ABHD17C: variants seen among roughly 807,000 people sequenced by gnomAD.
The protein encoded by ABHD17C is alpha/beta hydrolase domain-containing protein 17C.
In ABHD17C, 11 loss-of-function variants were observed where a neutral mutation model predicts 27.9. The ratio of observed to expected loss-of-function variants is 0.39; its 90% confidence interval spans 0.25 to 0.65. The LOEUF is 0.65. Ranked by LOEUF, ABHD17C falls within the 30% of genes least tolerant of loss-of-function variation. The pLI, the probability that ABHD17C is intolerant of heterozygous loss-of-function variation, is 0.45. For missense variants in ABHD17C, 280 were observed against 470.2 expected (o/e 0.60, Z 3.74); for synonymous variants, 233 against 209.1 (o/e 1.11, Z -0.98).
chr15:80,754,157 C>T lies in ABHD17C; in HGVS notation c.777C>T (p.Asp259=), dbSNP rs775368860. 6.2e-6 allele frequency: 10 copies of T among 1,613,614 alleles called. 1 individual carries two copies. In the East Asian group the frequency reaches 2.2e-4, roughly 36 times the overall value. ...TYCFDAFPSI[D]KISKVTSPVL... is the part of the protein sequence containing the mutation. ...CCCCCTTTCTGTTTTGCAGCATTGACAAGATATCTAAAGTCACCTCTCCTG... is the reference window on the plus strand; with the variant it reads ...CCCCCTTTCTGTTTTGCAGCATTGATAAGATATCTAAAGTCACCTCTCCTG... Residue 259 remains aspartate (D), a synonymous_variant, in exon 3 of 3, where the codon GAC becomes GAT. Coordinates refer to ENST00000258884, the MANE Select transcript of ABHD17C (RefSeq NM_021214.2).
chr15:80,724,785 T>C (rs1468113505), intron 1 of ABHD17C, among the ~76,000 whole-genome samples: 1 of 152,136 alleles, frequency 6.6e-6, no homozygotes, highest in Non-Finnish European at 1.5e-5. Context: ...TCCAGTTCCC[T>C]CCTCCTATTA....
chr15:80,711,215 A>G (rs1238140884), intron 1 of ABHD17C, among the ~76,000 whole-genome samples: 7 of 152,168 alleles, frequency 4.6e-5, no homozygotes, highest in Non-Finnish European at 1.0e-4. Flanking sequence ...CAGTGTTGCC[A>G]CCAGGCCTTT....
At chr15:80,696,556 A>G (rs1471215847) in intron 1 of ABHD17C, among the ~76,000 whole-genome samples, 1 of 152,158 alleles carries the variant, frequency 6.6e-6, no homozygotes, top group Non-Finnish European at 1.5e-5. Context: ...CGTCAGGTGG[A>G]GCGGGGAGTT....
At chr15:80,709,827 T>G (rs893737906) in intron 1 of ABHD17C, among the ~76,000 whole-genome samples, 25 of 152,162 alleles carry the variant, frequency 1.6e-4, no homozygotes, top group Admixed American at 9.2e-4. Flanking sequence ...TACTCCTTTC[T>G]GACACACCTA....
chr15:80,731,468 T>C (rs1416525353), intron 1 of ABHD17C, among the ~76,000 whole-genome samples: 1 of 152,128 alleles, frequency 6.6e-6, no homozygotes, highest in East Asian at 1.9e-4. Context: ...GACAGGGAAG[T>C]CATCATCATG....
chr15:80,697,600 C>T (rs1046269565), intron 1 of ABHD17C, among the ~76,000 whole-genome samples: 1 of 151,536 alleles, frequency 6.6e-6, no homozygotes, highest in Admixed American at 6.6e-5. Context: ...TTACAGCTTA[C>T]GTGGAGTGTA....
intron 1 of ABHD17C, among the ~76,000 whole-genome samples, chr15:80,698,206 A>T (rs186040006): frequency 6.6e-6 from 1 of 151,504 alleles, no homozygotes; most frequent in African/African-American, 2.4e-5. Flanking sequence ...CTGGGACTAC[A>T]GGCGCCCGCC....
intron 1 of ABHD17C, among the ~76,000 whole-genome samples, chr15:80,701,290 T>C (rs16972293): frequency 0.15 from 22,813 of 152,068 alleles, 1,836 homozygotes; most frequent in South Asian, 0.24. Flanking sequence ...TAACCTAACT[T>C]CTTTGTTCTC....
chr15:80,709,021 C>T lies in ABHD17C; in HGVS notation c.590+13002C>T, dbSNP rs545225693. On this transcript the variant is annotated intron_variant, in intron 1 of 2. Transcript: ENST00000258884. Reference sequence around the variant, plus strand: ...CATGCTTGTACAATATTACCTGCTCCTGGGAAGTTTCTGCGAATCTCCTTT... The same window carrying T: ...CATGCTTGTACAATATTACCTGCTCTTGGGAAGTTTCTGCGAATCTCCTTT... Among the ~76,000 whole-genome samples the T allele has an allele frequency of 5.3e-5, 8 of 152,298 alleles. No individual in the cohort carries two copies. In the East Asian group the frequency reaches 1.4e-3, roughly 26 times the overall value.
At chr15:80,719,149 G>A (rs566794150) in intron 1 of ABHD17C, among the ~76,000 whole-genome samples, 2 of 152,232 alleles carry the variant, frequency 1.3e-5, no homozygotes, top group Admixed American at 6.5e-5. Flanking sequence ...ACAATGTAAC[G>A]AGTCAAACAG....
intron 1 of ABHD17C, 103 bp from the exon 2 acceptor site, chr15:80,749,410 T>C (rs2141523705): frequency 8.4e-7 from 1 of 1,196,980 alleles, no homozygotes; most frequent in Non-Finnish European, 1.2e-6. Context: ...GGTTTTAAGC[T>C]GGTGGATGTG....
At chr15:80,734,224 A>G (rs1336129767) in intron 1 of ABHD17C, among the ~76,000 whole-genome samples, 6 of 152,190 alleles carry the variant, frequency 3.9e-5, no homozygotes, top group Non-Finnish European at 7.4e-5. Context: ...GGCCCAAGCA[A>G]TCCTCCCACC....
intron 1 of ABHD17C, among the ~76,000 whole-genome samples, chr15:80,737,363 C>A (rs1596071099): frequency 6.6e-6 from 1 of 152,174 alleles, no homozygotes; most frequent in Admixed American, 6.5e-5. Context: ...CTGTCTAGAT[C>A]CCCAAGGTGA....
chr15:80,705,333 T>TTGTGTGTATGTGTG (rs1894630759), intron 1 of ABHD17C, among the ~76,000 whole-genome samples: 1 of 106,822 alleles, frequency 9.4e-6, no homozygotes, highest in Admixed American at 9.9e-5. Context: ...TTCCTATGAT[T>TTGTGTGTATGTGTG]TGTGTGTGTG....
intron 2 of ABHD17C, among the ~76,000 whole-genome samples, chr15:80,750,818 C>T (rs1895356164): frequency 2.6e-5 from 4 of 151,734 alleles, no homozygotes; most frequent in South Asian, 2.1e-4. Context: ...TGCTGAAAGA[C>T]GGATACTTAG....
chr15:80,716,871 G>A (rs1260165348), intron 1 of ABHD17C, among the ~76,000 whole-genome samples: 1 of 151,996 alleles, frequency 6.6e-6, no homozygotes, highest in Non-Finnish European at 1.5e-5. Flanking sequence ...CCTTCTCTCC[G>A]AACGCATCCC....
rs533817138 is a variant in ABHD17C at position 80,738,184 on chromosome 15, A to G, written c.591-11329A>G. On this transcript the variant is annotated intron_variant, in intron 1 of 2. Transcript: ENST00000258884. ...CTGGGATGGAAGCTGGTAGGCCATC[A>G]GAGTGTATGCTGTTAGCGTGAGTCA... 1.6e-4 allele frequency among the ~76,000 whole-genome samples: 25 copies of G among 152,302 alleles called. No homozygotes were observed. In the South Asian group the frequency reaches 5.2e-3, roughly 32 times the overall value.
intron 1 of ABHD17C, among the ~76,000 whole-genome samples, chr15:80,745,391 A>AT (rs35175632): frequency 0.032 from 4,699 of 146,236 alleles, 179 homozygotes; most frequent in African/African-American, 0.09. Context: ...CCCTAACAGC[A>AT]TTTTTTTTTT....
intron 1 of ABHD17C, among the ~76,000 whole-genome samples, chr15:80,708,612 G>A (rs1894682399): frequency 6.6e-6 from 1 of 152,132 alleles, no homozygotes; most frequent in Non-Finnish European, 1.5e-5. Flanking sequence ...TGGTACATAT[G>A]TTTTGTGAGT....
Sources: gnomAD v4.1 joint callset for allele counts (sites outside exome capture counted in the v4.1 genomes callset) on GRCh38, gnomAD v4.1.1 for gene constraint, MANE v1.5 for transcripts, NCBI Gene and HGNC (gene_info 2026-07-23, HGNC 2026-07-21) for gene names.